The following RIOK1 variants were observed in gnomAD, a reference collection of about 807,000 sequenced individuals.
RIOK1 encodes RIO kinase 1.
A neutral mutation model predicts 73.5 loss-of-function variants in RIOK1; 66 were observed. The ratio of observed to expected loss-of-function variants is 0.90; its 90% CI spans 0.74 to 1.10. RIOK1 has a LOEUF of 1.10. Among genes scored for constraint, RIOK1 ranks in the 50% least tolerant of loss-of-function variants. The pLI is 0.00. For synonymous variants in RIOK1, 224 were observed against 226.8 expected (o/e 0.99, Z 0.11); for missense variants, 658 against 699.8 (o/e 0.94, Z 0.67).
At chr6:7,410,031 G>T (rs898509741) in intron 12 of RIOK1, among the ~76,000 whole-genome samples, 4 of 152,148 alleles carry the variant, frequency 2.6e-5, no homozygotes, top group African/African-American at 9.7e-5. Context: ...TTAAGGAATG[G>T]TTCTTTCATT....
At chr6:7,413,225 G>A (rs1375964339) in intron 15 of RIOK1, among the ~76,000 whole-genome samples, 1 of 152,038 alleles carries the variant, frequency 6.6e-6, no homozygotes, top group Non-Finnish European at 1.5e-5. Context: ...TTTGTATCCT[G>A]GTCGTCATTT....
chr6:7,395,664 G>T (rs1761456031), intron 3 of RIOK1, among the ~76,000 whole-genome samples: 1 of 151,670 alleles, frequency 6.6e-6, no homozygotes, highest in Admixed American at 6.6e-5. Flanking sequence ...CTTGCCATAG[G>T]AATGTAATGT....
chr6:7,397,431 C>T (rs138012446), intron 4 of RIOK1, among the ~76,000 whole-genome samples: 228 of 152,286 alleles, frequency 1.5e-3, no homozygotes, highest in Middle Eastern at 6.8e-3. Flanking sequence ...AAGAATTATT[C>T]TTTCCCATGA....
intron 16 of RIOK1, among the ~76,000 whole-genome samples, chr6:7,416,129 T>C (rs530457628): frequency 6.6e-6 from 1 of 152,338 alleles, no homozygotes; most frequent in African/African-American, 2.4e-5. Context: ...ACTATTATTA[T>C]TCCATCTTAG....
intron 11 of RIOK1, 114 bp downstream of exon 11, chr6:7,405,135 A>T: frequency 9.4e-7 from 1 of 1,065,350 alleles, no homozygotes; most frequent in Non-Finnish European, 1.4e-6. Flanking sequence ...GTGATGCTTA[A>T]ACCATTTGCT....
At chr6:7,416,311 A>T (rs570484623) in intron 16 of RIOK1, among the ~76,000 whole-genome samples, 1 of 152,362 alleles carries the variant, frequency 6.6e-6, no homozygotes, top group South Asian at 2.1e-4. Flanking sequence ...AACATTTAAT[A>T]ACATTCTTAG....
At chr6:7,399,440 A>G (rs1019193005) in intron 5 of RIOK1, among the ~76,000 whole-genome samples, 11 of 152,158 alleles carry the variant, frequency 7.2e-5, no homozygotes, top group Admixed American at 3.3e-4. Flanking sequence ...TCTGTAATTG[A>G]AAACAAAGTA....
intron 15 of RIOK1, among the ~76,000 whole-genome samples, chr6:7,413,232 A>G (rs1467056257): frequency 6.6e-6 from 1 of 152,052 alleles, no homozygotes; most frequent in African/African-American, 2.4e-5. Context: ...CCTGGTCGTC[A>G]TTTGTGGAGC....
chr6:7,412,427 G>T (rs533330027), intron 14 of RIOK1, among the ~76,000 whole-genome samples: 2 of 151,700 alleles, frequency 1.3e-5, no homozygotes, highest in African/African-American at 4.8e-5. Flanking sequence ...GGCCGAGGTG[G>T]GTGGATCACC....
intron 13 of RIOK1, 42 bp downstream of exon 13, chr6:7,410,493 GT>G (rs1299347654): frequency 1.5e-6 from 2 of 1,336,828 alleles, no homozygotes; most frequent in Non-Finnish European, 2.1e-6. Flanking sequence ...AAACACTTGT[GT>G]TTTGAGGGTT....
At chr6:7,410,493 G>T (rs1761859915) in intron 13 of RIOK1, 42 bp downstream of exon 13, 4 of 1,336,922 alleles carry the variant, frequency 3.0e-6, no homozygotes, top group Admixed American at 4.2e-5. Flanking sequence ...AAACACTTGT[G>T]TTTTGAGGGT....
At position 7,395,823 on chromosome 6, in the gene RIOK1, C is replaced by A. The variant is rs149176183; in HGVS notation, c.367+680C>A. Reference sequence around the variant, plus strand: ...TTCTGGGGTTCAGACGATCCTCCCACCTTAGCCTCCCAAGTAGCTAGGACC... The same window carrying A: ...TTCTGGGGTTCAGACGATCCTCCCAACTTAGCCTCCCAAGTAGCTAGGACC... On this transcript the variant is annotated intron_variant, in intron 3 of 16. Coordinates refer to ENST00000379834, the MANE Select transcript of RIOK1 (RefSeq NM_031480.3). 1.1e-4 allele frequency among the ~76,000 whole-genome samples: 16 copies of A among 152,104 alleles called. No individual in the cohort carries two copies. In the East Asian group the frequency reaches 2.1e-3, roughly 20 times the overall value.
chr6:7,405,795 T>C (rs1056693063), intron 12 of RIOK1, among the ~76,000 whole-genome samples: 1 of 150,130 alleles, frequency 6.7e-6, no homozygotes, highest in African/African-American at 2.4e-5. Context: ...TTTTTCCTTT[T>C]TTTTTTTTTT....
chr6:7,393,342 G>C (rs1246002684), intron 2 of RIOK1, 39 bp downstream of exon 2: 4 of 1,527,348 alleles, frequency 2.6e-6, no homozygotes, highest in Admixed American at 3.4e-5. Context: ...TATGTAGTCT[G>C]CTTATGTCTA....
intron 16 of RIOK1, 89 bp from the exon 17 acceptor site, chr6:7,417,242 C>T (rs921437620): frequency 2.6e-6 from 2 of 757,376 alleles, no homozygotes; most frequent in East Asian, 2.8e-5. Flanking sequence ...AGAGCAAGAC[C>T]CTGTCTAAAA....
chr6:7,407,023 A>T (rs1286547306), intron 12 of RIOK1, among the ~76,000 whole-genome samples: 2 of 152,180 alleles, frequency 1.3e-5, no homozygotes, highest in African/African-American at 2.4e-5. Flanking sequence ...TATTTTGTTT[A>T]TCCATTCATC....
intron 16 of RIOK1, among the ~76,000 whole-genome samples, chr6:7,415,995 T>C (rs1314728261): frequency 6.6e-6 from 1 of 152,248 alleles, no homozygotes; most frequent in Admixed American, 6.5e-5. Context: ...GGTTTGGCAC[T>C]ATCCACAGTC....
intron 9 of RIOK1, 78 bp downstream of exon 9, chr6:7,404,105 T>C: frequency 1.0e-6 from 1 of 965,322 alleles, no homozygotes; most frequent in South Asian, 1.3e-5. Context: ...ACTATATGAA[T>C]ATTTCCCATT....
intron 13 of RIOK1, among the ~76,000 whole-genome samples, chr6:7,410,984 G>A (rs577065192): frequency 2.6e-5 from 4 of 152,258 alleles, no homozygotes; most frequent in East Asian, 1.9e-4. Flanking sequence ...GCCAGGCAGC[G>A]CTTGCCAACT....
Sources: gnomAD v4.1 joint callset for allele counts (sites outside exome capture counted in the v4.1 genomes callset) on GRCh38, gnomAD v4.1.1 for gene constraint, MANE v1.5 for transcripts, NCBI Gene and HGNC (gene_info 2026-07-23, HGNC 2026-07-21) for gene names.